Variants in PTPRN2 observed in about 807,000 individuals in gnomAD.
PTPRN2 encodes protein tyrosine phosphatase receptor type N2.
A neutral mutation model predicts 118.8 loss-of-function variants in PTPRN2; 74 were observed. The ratio of observed to expected loss-of-function variants is 0.62; its 90% CI spans 0.52 to 0.76. PTPRN2 has a LOEUF of 0.76. PTPRN2 is among the 30% of genes least tolerant of loss of function. PTPRN2 has a pLI of 0.00. For missense variants in PTPRN2, 1,481 were observed against 1,394.4 expected (o/e 1.06, Z -0.99); for synonymous variants, 641 against 608.0 (o/e 1.05, Z -0.80).
At chr7:158,379,311 C>G (rs1232040954) in intron 2 of PTPRN2, among the ~76,000 whole-genome samples, 2 of 152,162 alleles carry the variant, frequency 1.3e-5, no homozygotes, top group Non-Finnish European at 2.9e-5. Flanking sequence ...CAACACGCCT[C>G]TGCAGCAGTG....
intron 2 of PTPRN2, among the ~76,000 whole-genome samples, chr7:158,449,020 G>A (rs939673585): frequency 4.6e-5 from 7 of 152,184 alleles, no homozygotes; most frequent in Non-Finnish European, 8.8e-5. Flanking sequence ...CAGGCAGCAC[G>A]TGCCCACTCA....
At chr7:158,336,482 G>T (rs74189549) in intron 2 of PTPRN2, among the ~76,000 whole-genome samples, 3 of 126,490 alleles carry the variant, frequency 2.4e-5, no homozygotes, top group East Asian at 2.7e-4. Context: ...CACCATAAGA[G>T]CTGACGCCCG....
intron 12 of PTPRN2, among the ~76,000 whole-genome samples, chr7:157,892,062 A>G (rs1180938545): frequency 6.6e-6 from 1 of 152,012 alleles, no homozygotes; most frequent in Non-Finnish European, 1.5e-5. Context: ...GTCTATCACG[A>G]CGCTTAGAAG....
rs189074155 is a variant in PTPRN2 at position 157,874,944 on chromosome 7, C to T, written c.1788+23729G>A. The stretch of plus-strand genomic sequence containing the variant: ...ACATACACAGAGAAACACTTGTGCA[C>T]GGAGACACACTTGTGCACATACACA... On this transcript the variant is annotated intron_variant, in intron 12 of 22. Transcript: ENST00000389418. The surrounding 1 kb of genome is among the most constrained non-coding windows in gnomAD (Gnocchi z 5.8). Among the ~76,000 whole-genome samples the T allele has an allele frequency of 5.6e-4, 85 of 152,164 alleles. 1 individual carries two copies. Among genetic ancestry groups the T allele is most frequent in the Admixed American group, 5.2e-3 (80 of 15,280 alleles).
At chr7:158,431,448 C>T (rs76621439) in intron 2 of PTPRN2, among the ~76,000 whole-genome samples, 6 of 5,168 alleles carry the variant, frequency 1.2e-3, no homozygotes, top group Non-Finnish European at 2.7e-3. Flanking sequence ...GCACACACTG[C>T]CTCACACGAC....
intron 11 of PTPRN2, among the ~76,000 whole-genome samples, chr7:158,075,461 A>T (rs1404953166): frequency 6.6e-6 from 1 of 152,034 alleles, no homozygotes; most frequent in East Asian, 1.9e-4. Flanking sequence ...CCTGGACACA[A>T]GCTGGGGCTG....
intron 3 of PTPRN2, among the ~76,000 whole-genome samples, chr7:158,312,423 CA>C (rs1801897528): frequency 7.8e-4 from 2 of 2,548 alleles, no homozygotes; most frequent in Non-Finnish European, 6.0e-3. Flanking sequence ...TAGACATACA[CA>C]CACATGCACA....
At chr7:158,477,555 C>T (rs541922756) in intron 2 of PTPRN2, among the ~76,000 whole-genome samples, 12 of 152,338 alleles carry the variant, frequency 7.9e-5, no homozygotes, top group African/African-American at 2.2e-4. Flanking sequence ...TAATGGCCAA[C>T]ATCTTCCCTT....
chr7:157,833,072 C>A (rs920138694), intron 12 of PTPRN2, among the ~76,000 whole-genome samples: 1 of 147,216 alleles, frequency 6.8e-6, no homozygotes, highest in African/African-American at 2.5e-5. Flanking sequence ...GTGATGTGGC[C>A]GGTGCCCATC....
At chr7:158,573,639 A>G (rs1274739843) in intron 1 of PTPRN2, among the ~76,000 whole-genome samples, 2 of 152,180 alleles carry the variant, frequency 1.3e-5, no homozygotes, top group East Asian at 1.9e-4. Flanking sequence ...TGTGGAAGTT[A>G]CTTATGAATC....
In PTPRN2 at chr7:157,974,376, C is replaced by T. The variant is rs1192398678; in HGVS notation, c.1724-75639G>A. On this transcript the variant is annotated intron_variant, in intron 11 of 22. Coordinates refer to ENST00000389418, the MANE Select transcript of PTPRN2 (RefSeq NM_002847.5). The surrounding 1 kb of genome is among the most constrained non-coding windows in gnomAD (Gnocchi z 4.0). ...ATCCCCTTTAATTTCAAACAGGGCCCTTCCACCTGCCCTTGATTCCCTGTG... is the reference window on the plus strand; with the variant it reads ...ATCCCCTTTAATTTCAAACAGGGCCTTTCCACCTGCCCTTGATTCCCTGTG... Among the ~76,000 whole-genome samples, 1 of 152,218 alleles carries T rather than the reference C, an allele frequency of 6.6e-6. No homozygotes were observed. Among genetic ancestry groups the T allele is most frequent in the East Asian group, 1.9e-4 (1 of 5,198 alleles).
intron 6 of PTPRN2, among the ~76,000 whole-genome samples, chr7:158,141,895 C>T (rs990393443): frequency 2.0e-5 from 3 of 152,226 alleles, no homozygotes; most frequent in African/African-American, 7.2e-5. Context: ...AATCTGTACA[C>T]GAAATGTGTG....
At chr7:157,586,864 C>T (rs949810443) in intron 17 of PTPRN2, among the ~76,000 whole-genome samples, 8 of 152,224 alleles carry the variant, frequency 5.3e-5, no homozygotes, top group African/African-American at 1.9e-4. Context: ...CCAGCTCGGG[C>T]TGAGCGGATG....
At chr7:157,973,202 G>A (rs888620619) in intron 11 of PTPRN2, among the ~76,000 whole-genome samples, 30 of 152,190 alleles carry the variant, frequency 2.0e-4, no homozygotes, top group African/African-American at 7.0e-4. Context: ...AGGGGCCTTC[G>A]AGGGATGAAG....
intron 12 of PTPRN2, among the ~76,000 whole-genome samples, chr7:157,736,936 T>TG (rs1268886433): frequency 6.6e-6 from 1 of 151,992 alleles, no homozygotes; most frequent in Non-Finnish European, 1.5e-5. Flanking sequence ...CCTGGTGGGA[T>TG]GGGGATGACA....
chr7:157,741,368 T>C (rs750962583), intron 12 of PTPRN2, among the ~76,000 whole-genome samples: 28 of 152,212 alleles, frequency 1.8e-4, no homozygotes, highest in Admixed American at 5.2e-4. Flanking sequence ...AAGGAAGGCA[T>C]TGCCTGTGGA....
At chr7:157,691,049 C>A (rs1403145620) in intron 12 of PTPRN2, among the ~76,000 whole-genome samples, 1 of 144,820 alleles carries the variant, frequency 6.9e-6, no homozygotes, top group Non-Finnish European at 1.5e-5. Flanking sequence ...GGCCCAGCCA[C>A]CGGTTGCTAT....
intron 12 of PTPRN2, among the ~76,000 whole-genome samples, chr7:157,698,792 G>A (rs1185538811): frequency 1.3e-5 from 2 of 152,130 alleles, no homozygotes; most frequent in Non-Finnish European, 1.5e-5. Context: ...ACAGAATAAT[G>A]CCATAAGGCA....
intron 17 of PTPRN2, among the ~76,000 whole-genome samples, chr7:157,593,612 G>A (rs1257585889): frequency 2.0e-5 from 3 of 152,234 alleles, no homozygotes; most frequent in East Asian, 1.9e-4. Context: ...CTGAGAAGCC[G>A]GGGTGAGCGT....
Sources: gnomAD v4.1 joint callset for allele counts (sites outside exome capture counted in the v4.1 genomes callset) on GRCh38, gnomAD v4.1.1 for gene constraint, Gnocchi (gnomAD v3.1) non-coding constraint, MANE v1.5 for transcripts, NCBI Gene and HGNC (gene_info 2026-07-23, HGNC 2026-07-21) for gene names.